DACH1: variants seen among roughly 807,000 people sequenced by gnomAD.
DACH1 encodes the protein dachshund homolog 1.
DACH1 carries 12 observed loss-of-function variants against 54.2 expected under a neutral mutation model. That is an observed-to-expected ratio of 0.22 (90% CI 0.14 to 0.36). DACH1 has a LOEUF of 0.36. Among genes scored for constraint, DACH1 ranks in the 10% least tolerant of loss-of-function variants. DACH1 has a pLI of 1.00. For synonymous variants in DACH1, 386 were observed against 366.2 expected (o/e 1.05, Z -0.62); for missense variants, 805 against 929.8 (o/e 0.87, Z 1.75).
intron 1 of DACH1, among the ~76,000 whole-genome samples, chr13:71,731,991 T>A (rs1332137029): frequency 6.6e-6 from 1 of 152,212 alleles, no homozygotes; most frequent in East Asian, 1.9e-4. Flanking sequence ...TGTAAACTGC[T>A]AAGTACACCA....
chr13:71,692,076 G>A (rs774204410), intron 1 of DACH1, among the ~76,000 whole-genome samples: 10 of 151,154 alleles, frequency 6.6e-5, no homozygotes, highest in Non-Finnish European at 1.2e-4. Flanking sequence ...TGTAATGAAG[G>A]CTGAAGTACT....
intron 1 of DACH1, among the ~76,000 whole-genome samples, chr13:71,798,671 A>G (rs1002558057): frequency 6.6e-6 from 1 of 152,016 alleles, no homozygotes; most frequent in African/African-American, 2.4e-5. Flanking sequence ...GTGAAGCAAA[A>G]TCACCTTAAT....
At chr13:71,610,936 T>C (rs898612903) in intron 3 of DACH1, among the ~76,000 whole-genome samples, 1 of 152,182 alleles carries the variant, frequency 6.6e-6, no homozygotes, top group Admixed American at 6.5e-5. Flanking sequence ...TAACCTAAAA[T>C]AGGAGAGCAA....
chr13:71,822,263 G>A (rs1251707329), intron 1 of DACH1, among the ~76,000 whole-genome samples: 1 of 152,128 alleles, frequency 6.6e-6, no homozygotes, highest in East Asian at 1.9e-4. Flanking sequence ...CACTATATTT[G>A]TAGTGAACAG....
chr13:71,675,044 A>G lies in DACH1; in HGVS notation c.964+6751T>C, dbSNP rs978210629. The G allele has an allele frequency of 5.9e-5, 56 of 950,514 alleles. 1 individual carries two copies. The highest frequency in any genetic ancestry group is 7.8e-5 in the Non-Finnish European group (46 of 588,106). The allele number at this position is 950,514 out of a possible 1,614,324, so 58.9% of individuals were successfully genotyped here. On this transcript the variant is annotated intron_variant, in intron 2 of 10. Transcript: ENST00000613252. ...GCTCCAGCCGAAGAGAAGGGGGGTA[A>G]GTAAGGAGGTCTCTGTACCACGGCT...
intron 1 of DACH1, among the ~76,000 whole-genome samples, chr13:71,749,511 T>A (rs1594174393): frequency 6.6e-6 from 1 of 152,110 alleles, no homozygotes; most frequent in East Asian, 1.9e-4. Flanking sequence ...ATGCCGCAAA[T>A]CCCAGCTCTT....
intron 3 of DACH1, among the ~76,000 whole-genome samples, chr13:71,588,026 C>G (rs1046210127): frequency 6.6e-6 from 1 of 151,924 alleles, no homozygotes; most frequent in Non-Finnish European, 1.5e-5. Context: ...CATGTGACAC[C>G]GTAAGTAATA....
intron 1 of DACH1, among the ~76,000 whole-genome samples, chr13:71,808,547 C>T (rs917540037): frequency 2.0e-5 from 3 of 152,082 alleles, no homozygotes; most frequent in South Asian, 2.1e-4. Flanking sequence ...ATTTCTGCAT[C>T]CTTCATAGAA....
intron 4 of DACH1, among the ~76,000 whole-genome samples, chr13:71,569,174 A>T (rs903840987): frequency 2.0e-5 from 3 of 151,186 alleles, no homozygotes; most frequent in African/African-American, 4.9e-5. Flanking sequence ...AATTATTTTA[A>T]TTTTTTTTTC....
intron 1 of DACH1, among the ~76,000 whole-genome samples, chr13:71,832,485 G>A (rs1363313147): frequency 1.3e-5 from 2 of 151,842 alleles, no homozygotes; most frequent in African/African-American, 4.8e-5. Context: ...CTAAGAAAAT[G>A]TTTTAATAGT....
chr13:71,463,209 A>G lies in DACH1; in HGVS notation c.2083+11932T>C, dbSNP rs17088284. 6.3e-3 allele frequency among the ~76,000 whole-genome samples: 952 copies of G among 152,080 alleles called. 12 individuals are homozygous for G. Among genetic ancestry groups the G allele is most frequent in the African/African-American group, 0.021 (883 of 41,546 alleles). ...TCGATATTAGTAAAATAAAATCTGTATTGGCATTTATTGTGTAACTGATTT... is the reference window on the plus strand; with the variant it reads ...TCGATATTAGTAAAATAAAATCTGTGTTGGCATTTATTGTGTAACTGATTT... On this transcript the variant is annotated intron_variant, in intron 10 of 10. Transcript: ENST00000613252.
At chr13:71,708,553 C>A (rs578130958) in intron 1 of DACH1, among the ~76,000 whole-genome samples, 77 of 152,128 alleles carry the variant, frequency 5.1e-4, no homozygotes, top group Non-Finnish European at 1.0e-3. Flanking sequence ...GCTACCCTTT[C>A]TTGTATCCAA....
chr13:71,706,293 A>G (rs1335298803), intron 1 of DACH1, among the ~76,000 whole-genome samples: 1 of 151,636 alleles, frequency 6.6e-6, no homozygotes, highest in East Asian at 1.9e-4. Context: ...ACATATTATT[A>G]GCCTTTCATC....
intron 6 of DACH1, among the ~76,000 whole-genome samples, chr13:71,533,448 C>T (rs1190457316): frequency 1.3e-5 from 2 of 151,940 alleles, no homozygotes; most frequent in Non-Finnish European, 2.9e-5. Flanking sequence ...TAATTTTCCT[C>T]AGTGGCTTAA....
chr13:71,601,175 T>C (rs1294436311), intron 3 of DACH1, among the ~76,000 whole-genome samples: 1 of 152,108 alleles, frequency 6.6e-6, no homozygotes, highest in Non-Finnish European at 1.5e-5. Context: ...GGAAATGGTT[T>C]ATTTACATGT....
intron 1 of DACH1, among the ~76,000 whole-genome samples, chr13:71,708,012 A>G (rs1005572708): frequency 6.6e-6 from 1 of 152,114 alleles, no homozygotes; most frequent in Non-Finnish European, 1.5e-5. Context: ...GAGTAATCTA[A>G]CTTCTTTTTC....
At chr13:71,760,789 T>C (rs1885372422) in intron 1 of DACH1, among the ~76,000 whole-genome samples, 1 of 152,202 alleles carries the variant, frequency 6.6e-6, no homozygotes, top group South Asian at 2.1e-4. Flanking sequence ...TCTCTCTTTA[T>C]TTCTCTTGGT....
At chr13:71,740,309 A>G (rs1467684585) in intron 1 of DACH1, among the ~76,000 whole-genome samples, 1 of 150,620 alleles carries the variant, frequency 6.6e-6, no homozygotes, top group South Asian at 2.1e-4. Context: ...AATTCACTCT[A>G]AAACAAAACA....
At chr13:71,762,467 T>C (rs997757046) in intron 1 of DACH1, among the ~76,000 whole-genome samples, 1 of 151,968 alleles carries the variant, frequency 6.6e-6, no homozygotes, top group African/African-American at 2.4e-5. Flanking sequence ...TATTTAGGAA[T>C]GTACATCTAG....
Sources: allele counts gnomAD v4.1 joint callset (sites outside exome capture counted in the v4.1 genomes callset), GRCh38; gene constraint gnomAD v4.1.1; transcripts MANE v1.5; gene names NCBI Gene and HGNC (gene_info 2026-07-23, HGNC 2026-07-21).